RORA: variants seen among roughly 807,000 people sequenced by gnomAD.
RORA encodes nuclear receptor ROR-alpha.
Under a neutral mutation model 69.5 loss-of-function variants are expected in RORA, and 7 were observed. The ratio of observed to expected loss-of-function variants is 0.10; its 90% CI spans 0.06 to 0.19. RORA has a LOEUF of 0.19. RORA is among the 10% of genes least tolerant of loss of function. The pLI is 1.00. For missense variants in RORA, 457 were observed against 663.0 expected (o/e 0.69, Z 3.41); for synonymous variants, 261 against 240.8 (o/e 1.08, Z -0.78).
At chr15:60,516,449 GA>G (rs1207091370) in intron 3 of RORA, among the ~76,000 whole-genome samples, 3 of 147,556 alleles carry the variant, frequency 2.0e-5, no homozygotes, top group Non-Finnish European at 4.5e-5. Flanking sequence ...GATGTATGCA[GA>G]AAAAAAATAA....
At position 60,550,258 on chromosome 15, in the gene RORA, C is replaced by G. The variant is rs148107568; in HGVS notation, c.197-18407G>C. ...TGAACCAAGATCGTGCCATTGCACT[C>G]CAGCCTGGGCAGCAGAGTGAGACTC... On this transcript the variant is annotated intron_variant, in intron 2 of 10. Transcript: ENST00000335670. Among the ~76,000 whole-genome samples the G allele has an allele frequency of 2.0e-3, 303 of 152,280 alleles. 4 individuals carry two copies. In the East Asian group the frequency reaches 0.047, roughly 24 times the overall value.
At chr15:60,708,434 GA>G (rs905298261) in intron 1 of RORA, among the ~76,000 whole-genome samples, 46 of 149,642 alleles carry the variant, frequency 3.1e-4, no homozygotes, top group East Asian at 1.4e-3. Context: ...AAAAAAAAAG[GA>G]AAAAAAAATG....
intron 1 of RORA, among the ~76,000 whole-genome samples, chr15:60,877,461 A>G (rs578124050): frequency 4.4e-4 from 67 of 152,370 alleles, no homozygotes; most frequent in South Asian, 1.2e-3. Flanking sequence ...CCCCTGAGAT[A>G]GTAAGTTCTC....
At chr15:60,567,953 G>T (rs969714138) in intron 2 of RORA, among the ~76,000 whole-genome samples, 4 of 152,174 alleles carry the variant, frequency 2.6e-5, no homozygotes, top group Non-Finnish European at 5.9e-5. Flanking sequence ...AAGGTAGAAA[G>T]CATGCTCTGT....
chr15:61,149,137 T>A (rs1468805749), intron 1 of RORA, among the ~76,000 whole-genome samples: 2 of 152,226 alleles, frequency 1.3e-5, no homozygotes, highest in African/African-American at 4.8e-5. Context: ...GCTGACTCTG[T>A]TCCTGTGCTA....
At chr15:60,686,922 T>C (rs1166645890) in intron 1 of RORA, 4 of 152,136 alleles carry the variant, frequency 2.6e-5, no homozygotes, top group Non-Finnish European at 5.9e-5. Context: ...TCATACCTCA[T>C]CGAGCATGGA....
chr15:61,057,065 G>T (rs544067088), intron 1 of RORA, among the ~76,000 whole-genome samples: 18 of 152,270 alleles, frequency 1.2e-4, no homozygotes, highest in Non-Finnish European at 2.5e-4. Flanking sequence ...ATTTTTGGTA[G>T]GTGCGTACCT....
rs530626839 is a variant in RORA, at chr15:61,120,562, G to A, written c.166+108491C>T. 2.3e-3 allele frequency among the ~76,000 whole-genome samples: 355 copies of A among 151,960 alleles called. 2 individuals are homozygous for A. Among genetic ancestry groups the A allele is most frequent in the Non-Finnish European group, 3.1e-3 (213 of 67,942 alleles). ...AAAATGCAAAAAAAATTAGCCAGGT[G>A]TGGTGGCAGGTACCTGTAGTCCCAG... On this transcript the variant is annotated intron_variant, in intron 1 of 10. Coordinates refer to ENST00000335670, the MANE Select transcript of RORA (RefSeq NM_134261.3).
chr15:60,509,995 T>G (rs929705271), intron 5 of RORA, among the ~76,000 whole-genome samples: 1 of 152,228 alleles, frequency 6.6e-6, no homozygotes, highest in Non-Finnish European at 1.5e-5. Context: ...ACATTCAATT[T>G]GTTCTATTTG....
At chr15:60,965,559 AC>A (rs1893531774) in intron 1 of RORA, among the ~76,000 whole-genome samples, 1 of 152,224 alleles carries the variant, frequency 6.6e-6, no homozygotes, top group Non-Finnish European at 1.5e-5. Flanking sequence ...AGAAGAAGAA[AC>A]TAGCCCAACA....
chr15:60,933,365 T>C (rs1266292182), intron 1 of RORA, among the ~76,000 whole-genome samples: 2 of 152,220 alleles, frequency 1.3e-5, no homozygotes, highest in Non-Finnish European at 2.9e-5. Flanking sequence ...GCATTTCCCA[T>C]TCCCTGTGCC....
chr15:60,976,140 T>C (rs1291419706), intron 1 of RORA, among the ~76,000 whole-genome samples: 2 of 152,174 alleles, frequency 1.3e-5, no homozygotes, highest in South Asian at 2.1e-4. Flanking sequence ...ACTAATGAGA[T>C]TGCTGAGCCG....
chr15:60,907,773 A>C (rs1055117206), intron 1 of RORA, among the ~76,000 whole-genome samples: 1 of 151,838 alleles, frequency 6.6e-6, no homozygotes, highest in African/African-American at 2.4e-5. Flanking sequence ...TTTGCTGCAC[A>C]CCCTCCACTT....
At chr15:60,861,257 C>A (rs902344624) in intron 1 of RORA, among the ~76,000 whole-genome samples, 10 of 152,122 alleles carry the variant, frequency 6.6e-5, no homozygotes, top group African/African-American at 2.4e-4. Context: ...ATGTCAATAA[C>A]ATATCTCAGA....
At position 61,076,925 on chromosome 15, in the gene RORA, C is replaced by T. The variant is rs1258875296; in HGVS notation, c.166+152128G>A. 2.8e-5 allele frequency among the ~76,000 whole-genome samples: 4 copies of T among 145,360 alleles called. No homozygotes were observed. The East Asian group carries it at 7.8e-4, about 28-fold the overall frequency. On this transcript the variant is annotated intron_variant, in intron 1 of 10. Transcript: ENST00000335670. ...TTTTCACTCTACCCCCTCTCCCTTG[C>T]TTGTTCAAAGTAAAAAAAAAAAAAG...
At chr15:60,812,189 T>A (rs762154303) in intron 1 of RORA, among the ~76,000 whole-genome samples, 1 of 152,190 alleles carries the variant, frequency 6.6e-6, no homozygotes, top group East Asian at 1.9e-4. Flanking sequence ...CAATAGTACT[T>A]AACCTGTAAG....
intron 1 of RORA, among the ~76,000 whole-genome samples, chr15:61,205,917 G>A (rs1279639665): frequency 1.3e-5 from 2 of 152,130 alleles, no homozygotes; most frequent in Admixed American, 6.5e-5. Flanking sequence ...TAGGAGGCAC[G>A]AGCCATGGTC....
At chr15:61,189,083 G>C (rs190893765) in intron 1 of RORA, among the ~76,000 whole-genome samples, 2 of 152,304 alleles carry the variant, frequency 1.3e-5, no homozygotes, top group East Asian at 3.9e-4. Context: ...GCAAGAGCAA[G>C]GAGCCCCTGC....
chr15:60,622,776 CA>C (rs1329628191), intron 2 of RORA, among the ~76,000 whole-genome samples: 1 of 151,946 alleles, frequency 6.6e-6, no homozygotes, highest in Non-Finnish European at 1.5e-5. Flanking sequence ...GGTGCAGTGG[CA>C]AAATCTTGGC....
Sources: allele counts gnomAD v4.1 joint callset (sites outside exome capture counted in the v4.1 genomes callset), GRCh38; gene constraint gnomAD v4.1.1; transcripts MANE v1.5; gene names NCBI Gene and HGNC (gene_info 2026-07-23, HGNC 2026-07-21).